Variants in DISC1 observed in about 807,000 individuals in gnomAD.
DISC1 encodes DISC1 scaffold protein, also known as disrupted in schizophrenia 1 protein.
A neutral mutation model predicts 84.5 loss-of-function variants in DISC1; 57 were observed. The observed-to-expected ratio is 0.67, with a 90% CI of 0.55 to 0.84. DISC1 has a LOEUF of 0.84. Ranked by LOEUF, DISC1 falls within the 40% of genes least tolerant of loss-of-function variation. The pLI is 0.00. For missense variants in DISC1, 1,000 were observed against 1,057.8 expected (o/e 0.95, Z 0.76); for synonymous variants, 411 against 415.2 (o/e 0.99, Z 0.12).
At chr1:231,874,115 G>A (rs770284311) in intron 9 of DISC1, among the ~76,000 whole-genome samples, 2 of 151,950 alleles carry the variant, frequency 1.3e-5, no homozygotes, top group Non-Finnish European at 2.9e-5. Context: ...CTCCCAAAGT[G>A]CTGGGATTAC....
intron 10 of DISC1, among the ~76,000 whole-genome samples, chr1:231,963,534 A>G (rs1255804400): frequency 2.0e-5 from 3 of 147,640 alleles, no homozygotes; most frequent in Non-Finnish European, 4.5e-5. Context: ...CCCACCCCTC[A>G]CCCTCACCAG....
intron 3 of DISC1, among the ~76,000 whole-genome samples, chr1:231,708,420 A>T (rs1181077590): frequency 6.6e-6 from 1 of 152,250 alleles, no homozygotes; most frequent in Non-Finnish European, 1.5e-5. Context: ...GTGCGTATAC[A>T]TAACAATGTT....
At chr1:231,858,027 G>T (rs2084387447) in intron 9 of DISC1, among the ~76,000 whole-genome samples, 1 of 152,208 alleles carries the variant, frequency 6.6e-6, no homozygotes. Flanking sequence ...CATTCCAGTG[G>T]CTTGCCGGGC....
intron 10 of DISC1, among the ~76,000 whole-genome samples, chr1:231,964,679 A>T (rs1660858121): frequency 6.6e-6 from 1 of 152,154 alleles, no homozygotes; most frequent in East Asian, 1.9e-4. Context: ...GTTTTCAGAC[A>T]CTCTGTGGGC....
chr1:231,680,650 CA>C (rs2063596101), intron 1 of DISC1, among the ~76,000 whole-genome samples: 1 of 152,176 alleles, frequency 6.6e-6, no homozygotes, highest in East Asian at 1.9e-4. Flanking sequence ...TAAAGTGGCA[CA>C]AAGCTTTGAT....
At chr1:232,020,472 G>A (rs1437856222) in intron 11 of DISC1, among the ~76,000 whole-genome samples, 1 of 152,296 alleles carries the variant, frequency 6.6e-6, no homozygotes, top group East Asian at 1.9e-4. Flanking sequence ...CTGCTTCTAG[G>A]TATTAAGATT....
intron 1 of DISC1, among the ~76,000 whole-genome samples, chr1:231,637,327 G>A (rs1379413258): frequency 1.3e-5 from 2 of 152,104 alleles, no homozygotes; most frequent in African/African-American, 4.8e-5. Flanking sequence ...CCCAGTAATG[G>A]GATTGCTCGG....
chr1:231,772,919 T>C (rs202241117), intron 6 of DISC1, among the ~76,000 whole-genome samples: 1 of 152,160 alleles, frequency 6.6e-6, no homozygotes, highest in Non-Finnish European at 1.5e-5. Flanking sequence ...GAGATTTGGA[T>C]TGTTGCCGGT....
chr1:231,693,839 C>T lies in DISC1; in HGVS notation c.81C>T (p.Cys27=), dbSNP rs1168524465. 1 of 1,613,692 alleles carries T rather than the reference C, an allele frequency of 6.2e-7. No individual in the cohort carries two copies. Among genetic ancestry groups the T allele is most frequent in the East Asian group, 2.2e-5 (1 of 44,874 alleles). The part of the protein sequence containing the change: ...GVSHRAGSRD[C]LPPAACFRRR... The stretch of plus-strand genomic sequence containing the variant: ...TTTTCTTCCCAGGCAGCCGGGATTG[C>T]TTACCACCTGCAGCGTGCTTTCGGA... The change falls in exon 2 of 13, where the codon TGC becomes TGT. Residue 27 remains cysteine, a synonymous_variant. Coordinates refer to ENST00000439617, the MANE Select transcript of DISC1 (RefSeq NM_018662.3).
At chr1:231,871,789 C>T (rs1272238985) in intron 9 of DISC1, among the ~76,000 whole-genome samples, 1 of 152,090 alleles carries the variant, frequency 6.6e-6, no homozygotes, top group Non-Finnish European at 1.5e-5. Flanking sequence ...CATGTGGGGT[C>T]AGGGGTGGTG....
chr1:231,752,795 A>G (rs2125338858), intron 4 of DISC1, among the ~76,000 whole-genome samples: 1 of 152,368 alleles, frequency 6.6e-6, no homozygotes, highest in East Asian at 1.9e-4. Flanking sequence ...CTTCCAAGAT[A>G]TAGACATTGG....
rs139203427 is a variant in DISC1 at position 231,911,410 on chromosome 1, A to G, written c.1982-47418A>G. On this transcript the variant is annotated intron_variant, in intron 9 of 12. Transcript: ENST00000439617. ...TCTCAGCATTTGCTTGTCTATAAAG[A>G]ATTTTATTTCTCCTTTGCTTATGTA... Among the ~76,000 whole-genome samples, 536 of 152,232 alleles carry G rather than the reference A, an allele frequency of 3.5e-3. 5 individuals are homozygous for G. The highest frequency in any genetic ancestry group is 0.012 in the African/African-American group (496 of 41,520).
intron 1 of DISC1, among the ~76,000 whole-genome samples, chr1:231,663,436 A>C (rs1220847035): frequency 6.6e-6 from 1 of 152,184 alleles, no homozygotes; most frequent in African/African-American, 2.4e-5. Context: ...TGATGTGGAC[A>C]TCCTGGACAT....
chr1:231,672,040 G>A (rs1266675785), intron 1 of DISC1, among the ~76,000 whole-genome samples: 1 of 152,190 alleles, frequency 6.6e-6, no homozygotes, highest in Non-Finnish European at 1.5e-5. Flanking sequence ...TATTGTGCCA[G>A]AGGTTGCCTG....
At chr1:231,990,374 C>T (rs751252098) in intron 10 of DISC1, among the ~76,000 whole-genome samples, 7 of 151,890 alleles carry the variant, frequency 4.6e-5, no homozygotes, top group Non-Finnish European at 8.8e-5. Context: ...CAAGAGTCCC[C>T]CTGCTCATCC....
At chr1:231,696,607 A>G (rs903392249) in intron 2 of DISC1, among the ~76,000 whole-genome samples, 2 of 152,248 alleles carry the variant, frequency 1.3e-5, no homozygotes, top group Admixed American at 1.3e-4. Flanking sequence ...ATTTTGGCCA[A>G]TGACGGATCA....
chr1:232,007,180 G>A (rs1164521446), intron 10 of DISC1, among the ~76,000 whole-genome samples: 1 of 152,202 alleles, frequency 6.6e-6, no homozygotes. Flanking sequence ...GAAGGGAAAT[G>A]TGGGGTCAGA....
At chr1:231,863,223 T>C (rs1227184046) in intron 9 of DISC1, among the ~76,000 whole-genome samples, 1 of 20,358 alleles carries the variant, frequency 4.9e-5, no homozygotes, top group Admixed American at 5.9e-4. Context: ...AAATGTTCTT[T>C]TTTTTTTTTT....
intron 9 of DISC1, among the ~76,000 whole-genome samples, chr1:231,910,099 C>T (rs2089066491): frequency 6.6e-6 from 1 of 152,062 alleles, no homozygotes; most frequent in South Asian, 2.1e-4. Context: ...AGCGGTCTAT[C>T]AATTTTGTTG....
Sources: gnomAD v4.1 joint callset for allele counts (sites outside exome capture counted in the v4.1 genomes callset) on GRCh38, gnomAD v4.1.1 for gene constraint, MANE v1.5 for transcripts, NCBI Gene and HGNC (gene_info 2026-07-23, HGNC 2026-07-21) for gene names.